The following CNTN4 variants were observed in gnomAD, a reference collection of about 807,000 sequenced individuals.
CNTN4 encodes contactin-4.
In CNTN4, 77 loss-of-function variants were observed where a neutral mutation model predicts 122.5. That is an observed-to-expected ratio of 0.63 (90% CI 0.52 to 0.76). The LOEUF (loss-of-function observed/expected upper bound fraction) is 0.76, where lower values mean the gene tolerates loss of function less well. Ranked by LOEUF, CNTN4 falls within the 30% of genes least tolerant of loss-of-function variation. The pLI is 0.00. For synonymous variants in CNTN4, 512 were observed against 447.0 expected (o/e 1.15, Z -1.83); for missense variants, 1,256 against 1,259.1 (o/e 1.00, Z 0.04).
rs1464787967 is a variant in CNTN4, at chr3:2,509,128, T to G, written c.-88-62288T>G. ...AATTAAACTATTTCGGCTGTACCAC[T>G]GAATAAACACTTTGGTATTTTAATT... is the stretch of plus-strand genomic sequence containing the variant. On this transcript the variant is annotated intron_variant, in intron 3 of 24. Transcript: ENST00000418658. Among the ~76,000 whole-genome samples the G allele has an allele frequency of 2.0e-5, 3 of 152,244 alleles. No individual in the cohort carries two copies. In the East Asian group the frequency reaches 5.8e-4, roughly 29 times the overall value.
At chr3:2,961,391 T>C (rs1220744348) in intron 13 of CNTN4, among the ~76,000 whole-genome samples, 1 of 151,424 alleles carries the variant, frequency 6.6e-6, no homozygotes, top group Non-Finnish European at 1.5e-5. Flanking sequence ...TTGTATGTTA[T>C]GTGGTGATAG....
chr3:2,756,037 C>A (rs918231410), intron 6 of CNTN4, among the ~76,000 whole-genome samples: 1 of 152,080 alleles, frequency 6.6e-6, no homozygotes, highest in Non-Finnish European at 1.5e-5. Flanking sequence ...AAAAGGGAGA[C>A]CACTTTCTGA....
intron 3 of CNTN4, among the ~76,000 whole-genome samples, chr3:2,387,130 T>G (rs563140260): frequency 1.3e-5 from 2 of 152,290 alleles, no homozygotes; most frequent in Non-Finnish European, 2.9e-5. Context: ...TTACTCAAAT[T>G]TATAAAACTT....
At chr3:2,446,033 A>G (rs1405460774) in intron 3 of CNTN4, among the ~76,000 whole-genome samples, 1 of 152,304 alleles carries the variant, frequency 6.6e-6, no homozygotes, top group East Asian at 1.9e-4. Flanking sequence ...CTGTTCAATG[A>G]CTAGATGGAC....
At chr3:2,238,747 A>C (rs1559368817) in intron 2 of CNTN4, 1 of 52,886 alleles carries the variant, frequency 1.9e-5, no homozygotes, top group Non-Finnish European at 4.2e-5. Context: ...TTTTTTTTTG[A>C]GACGGAGTCT....
At chr3:2,479,535 A>G (rs943067716) in intron 3 of CNTN4, among the ~76,000 whole-genome samples, 11 of 152,210 alleles carry the variant, frequency 7.2e-5, no homozygotes, top group African/African-American at 2.4e-4. Context: ...GAACCAGGGT[A>G]TAACCTTATA....
intron 17 of CNTN4, among the ~76,000 whole-genome samples, chr3:3,035,470 C>T (rs186010775): frequency 7.5e-4 from 114 of 152,332 alleles, no homozygotes; most frequent in Admixed American, 2.9e-3. Context: ...TTCTGCCTGA[C>T]TATAGTCACT....
At chr3:2,352,808 C>A (rs547022952) in intron 3 of CNTN4, among the ~76,000 whole-genome samples, 1 of 152,340 alleles carries the variant, frequency 6.6e-6, no homozygotes, top group East Asian at 1.9e-4. Context: ...AGGGGATCTA[C>A]TAGGCGAAGC....
At chr3:2,714,161 TTTATC>T (rs1237396841) in intron 4 of CNTN4, among the ~76,000 whole-genome samples, 1 of 152,144 alleles carries the variant, frequency 6.6e-6, no homozygotes, top group African/African-American at 2.4e-5. Context: ...TGTTGGGACT[TTTATC>T]TGATTGTTCT....
rs1435462148 is a variant in CNTN4 at position 2,393,412 on chromosome 3, G to A, written c.-89+54179G>A. On this transcript the variant is annotated intron_variant, in intron 3 of 24. Transcript: ENST00000418658. ...ACTCATCTTGCCACAGTGTCTTGAG[G>A]CCTTCCACCTTTTAATAGCATATGG... 2.6e-5 allele frequency among the ~76,000 whole-genome samples: 4 copies of A among 152,044 alleles called. No individual in the cohort carries two copies. The South Asian group carries it at 8.3e-4, about 32-fold the overall frequency.
chr3:2,763,009 T>C (rs2149705270), intron 6 of CNTN4, among the ~76,000 whole-genome samples: 1 of 146,724 alleles, frequency 6.8e-6, no homozygotes, highest in African/African-American at 2.5e-5. Flanking sequence ...TGGCTCGATC[T>C]CAGCTCTCCA....
intron 6 of CNTN4, among the ~76,000 whole-genome samples, chr3:2,772,864 G>A (rs1041234127): frequency 4.6e-5 from 7 of 152,184 alleles, no homozygotes; most frequent in African/African-American, 7.2e-5. Context: ...TGAAGGGTAG[G>A]TGAAGTTGAA....
chr3:2,377,772 A>G (rs7612663), intron 3 of CNTN4, among the ~76,000 whole-genome samples: 1 of 137,872 alleles, frequency 7.3e-6, no homozygotes, highest in African/African-American at 2.6e-5. Context: ...TTTTTTTGTG[A>G]TTATTTTTTT....
chr3:2,552,616 A>T (rs1262941595), intron 3 of CNTN4, among the ~76,000 whole-genome samples: 1 of 152,222 alleles, frequency 6.6e-6, no homozygotes, highest in Non-Finnish European at 1.5e-5. Context: ...TATTATTCAG[A>T]GAAGTGGTAA....
In CNTN4 at chr3:2,374,145, C is replaced by T. The variant is rs144210024; in HGVS notation, c.-89+34912C>T. The stretch of plus-strand genomic sequence containing the variant: ...GATCTAACTCAGTAAAGGAAATGGG[C>T]TTCTCACGTAGAAGGTGATATGCAT... On this transcript the variant is annotated intron_variant, in intron 3 of 24. Coordinates refer to ENST00000418658, the MANE Select transcript of CNTN4 (RefSeq NM_175607.3). Among the ~76,000 whole-genome samples, 662 of 152,258 alleles carry T rather than the reference C, an allele frequency of 4.3e-3. 3 individuals are homozygous for T. The highest frequency in any genetic ancestry group is 0.024 in the Middle Eastern group (7 of 294).
intron 4 of CNTN4, among the ~76,000 whole-genome samples, chr3:2,578,104 A>T (rs1247821935): frequency 6.6e-6 from 1 of 152,194 alleles, no homozygotes; most frequent in African/African-American, 2.4e-5. Flanking sequence ...CCCTGGATTG[A>T]ATCATCAATC....
intron 4 of CNTN4, among the ~76,000 whole-genome samples, chr3:2,671,747 G>A (rs2084527083): frequency 1.3e-5 from 2 of 152,072 alleles, no homozygotes; most frequent in South Asian, 4.1e-4. Context: ...CTTTGATGAT[G>A]GTGACATACG....
intron 2 of CNTN4, among the ~76,000 whole-genome samples, chr3:2,185,001 G>C (rs1256672997): frequency 1.3e-5 from 2 of 152,140 alleles, no homozygotes; most frequent in Non-Finnish European, 2.9e-5. Context: ...CAATCACAGG[G>C]TTGTTTACCT....
chr3:2,976,733 T>A (rs1394317592), intron 13 of CNTN4, among the ~76,000 whole-genome samples: 1 of 152,174 alleles, frequency 6.6e-6, no homozygotes, highest in Non-Finnish European at 1.5e-5. Context: ...ATTAATTCCT[T>A]CCCATCATGC....
Sources: gnomAD v4.1 joint callset for allele counts (sites outside exome capture counted in the v4.1 genomes callset) on GRCh38, gnomAD v4.1.1 for gene constraint, MANE v1.5 for transcripts, NCBI Gene and HGNC (gene_info 2026-07-23, HGNC 2026-07-21) for gene names.